The following PLXDC2 variants were observed in gnomAD, a reference collection of about 807,000 sequenced individuals.
PLXDC2 encodes plexin domain containing 2, also known as plexin domain-containing protein 2.
PLXDC2 carries 40 observed loss-of-function variants against 68.9 expected under a neutral mutation model. The ratio of observed to expected loss-of-function variants is 0.58; its 90% CI spans 0.45 to 0.76. PLXDC2 has a LOEUF of 0.76. Among genes scored for constraint, PLXDC2 ranks in the 30% least tolerant of loss-of-function variants. The probability of loss-of-function intolerance (pLI) is 0.00; values close to 1 mark genes in which losing one functional copy is unlikely to be tolerated. For missense variants in PLXDC2, 644 were observed against 661.9 expected (o/e 0.97, Z 0.30); for synonymous variants, 243 against 234.2 (o/e 1.04, Z -0.34).
intron 1 of PLXDC2, among the ~76,000 whole-genome samples, chr10:19,848,528 C>T (rs958486803): frequency 1.3e-5 from 2 of 152,118 alleles, no homozygotes; most frequent in Admixed American, 6.6e-5. Flanking sequence ...GAATACAAAT[C>T]CAGGTTAGGT....
rs11289832 is a variant in PLXDC2 at position 20,105,048 on chromosome 10, CAAAAAAAAAA to C, written c.541+36823_541+36832del. 4.3e-4 allele frequency among the ~76,000 whole-genome samples: 42 copies of C among 97,268 alleles called. No homozygotes were observed. In the South Asian group the frequency reaches 0.013, roughly 30 times the overall value. 63.8% of individuals were successfully genotyped at this position (97,268 alleles called of 152,430 possible). A position where few individuals can be genotyped will look rare whatever the true frequency, so the allele number is the denominator to read the frequency against. Reference sequence around the variant, plus strand: ...CCTGGCGACAGAGCTAGACTCCATCCAAAAAAAAAAAAAAAAAAAAAAAGAGCTTCCAGAT... The same window carrying C: ...CCTGGCGACAGAGCTAGACTCCATCCAAAAAAAAAAAAAGAGCTTCCAGAT... On this transcript the variant is annotated intron_variant, in intron 4 of 13. Transcript: ENST00000377252.
At chr10:20,164,652 ATT>A in intron 7 of PLXDC2, 85 bp downstream of exon 7, 3 of 1,009,608 alleles carry the variant, frequency 3.0e-6, no homozygotes, top group Admixed American at 3.9e-5. Flanking sequence ...CTGTACCTGA[ATT>A]AAAAAAAAAA....
chr10:20,117,843 C>G (rs940555017), intron 4 of PLXDC2, among the ~76,000 whole-genome samples: 1 of 152,024 alleles, frequency 6.6e-6, no homozygotes. Flanking sequence ...ATGAAATTAA[C>G]CAAGATATTG....
chr10:19,953,946 T>G (rs1689495898), intron 1 of PLXDC2, among the ~76,000 whole-genome samples: 1 of 152,126 alleles, frequency 6.6e-6, no homozygotes, highest in Admixed American at 6.6e-5. Context: ...AGCTGATAAT[T>G]TTTGGAAGTG....
chr10:19,883,884 C>CTTTTTTTTTTTTTTTTTTT (rs397846779), intron 1 of PLXDC2, among the ~76,000 whole-genome samples: 1,153 of 55,088 alleles, frequency 0.021, 323 homozygotes, highest in South Asian at 0.029. Context: ...TCCCTTTAAA[C>CTTTTTTTTTTTTTTTTTTT]TTTTTTTTTT....
intron 4 of PLXDC2, among the ~76,000 whole-genome samples, chr10:20,080,277 A>G (rs1376654914): frequency 6.6e-6 from 1 of 152,190 alleles, no homozygotes; most frequent in Non-Finnish European, 1.5e-5. Context: ...AGAGGGAAAG[A>G]ACTAATAGGA....
intron 1 of PLXDC2, among the ~76,000 whole-genome samples, chr10:19,841,501 A>G (rs1589495315): frequency 6.6e-6 from 1 of 151,210 alleles, no homozygotes; most frequent in African/African-American, 2.4e-5. Context: ...TCTAGTGATC[A>G]TAAATGACCA....
chr10:20,010,144 G>A (rs1364557352), intron 2 of PLXDC2, among the ~76,000 whole-genome samples: 1 of 152,106 alleles, frequency 6.6e-6, no homozygotes, highest in Non-Finnish European at 1.5e-5. Context: ...TGCCTTTCCT[G>A]GCAGAGTGGC....
chr10:20,104,110 G>C (rs1464986844), intron 4 of PLXDC2, among the ~76,000 whole-genome samples: 1 of 152,142 alleles, frequency 6.6e-6, no homozygotes, highest in Non-Finnish European at 1.5e-5. Context: ...TGAGAGTTAG[G>C]AAGTCTGAAC....
intron 1 of PLXDC2, among the ~76,000 whole-genome samples, chr10:19,847,206 A>G (rs192042453): frequency 6.6e-6 from 1 of 152,340 alleles, no homozygotes; most frequent in Admixed American, 6.5e-5. Flanking sequence ...CTTCCTGAAG[A>G]TAATACAGCA....
At chr10:20,138,193 A>G (rs1463936820) in intron 4 of PLXDC2, among the ~76,000 whole-genome samples, 1 of 152,222 alleles carries the variant, frequency 6.6e-6, no homozygotes. Flanking sequence ...TACTGATATC[A>G]ATTAGCCAGT....
At chr10:19,860,963 C>T (rs944106726) in intron 1 of PLXDC2, among the ~76,000 whole-genome samples, 6 of 151,926 alleles carry the variant, frequency 3.9e-5, no homozygotes, top group African/African-American at 1.4e-4. Context: ...TTCCTAGCCC[C>T]AAGACACTTA....
At chr10:20,087,826 A>T (rs973843663) in intron 4 of PLXDC2, among the ~76,000 whole-genome samples, 1 of 152,094 alleles carries the variant, frequency 6.6e-6, no homozygotes, top group East Asian at 1.9e-4. Flanking sequence ...GCCCATTTGT[A>T]TTTCATCCGA....
chr10:20,045,344 T>C (rs1835778935), intron 2 of PLXDC2, among the ~76,000 whole-genome samples: 1 of 152,174 alleles, frequency 6.6e-6, no homozygotes, highest in East Asian at 1.9e-4. Context: ...CTAATTTTTG[T>C]ATTTTTAGTA....
chr10:19,854,693 G>T (rs1160806481), intron 1 of PLXDC2, among the ~76,000 whole-genome samples: 1 of 152,104 alleles, frequency 6.6e-6, no homozygotes, highest in African/African-American at 2.4e-5. Flanking sequence ...TTCCAGCCTA[G>T]CCTGGCCTTC....
At chr10:20,065,266 G>A (rs1450389719) in intron 3 of PLXDC2, among the ~76,000 whole-genome samples, 1 of 152,174 alleles carries the variant, frequency 6.6e-6, no homozygotes. Context: ...GTTGCCTATG[G>A]CTGGCTGGAG....
intron 12 of PLXDC2, among the ~76,000 whole-genome samples, chr10:20,225,567 G>A (rs554586491): frequency 7.9e-5 from 12 of 152,154 alleles, no homozygotes; most frequent in African/African-American, 2.9e-4. Context: ...AAGTATATAT[G>A]TATCATCATA....
At chr10:20,017,910 G>C (rs1221059668) in intron 2 of PLXDC2, among the ~76,000 whole-genome samples, 1 of 152,200 alleles carries the variant, frequency 6.6e-6, no homozygotes, top group Admixed American at 6.5e-5. Context: ...CTGGATGCAG[G>C]AGAATAGTGG....
chr10:19,946,911 A>T (rs1833911084), intron 1 of PLXDC2, among the ~76,000 whole-genome samples: 2 of 152,048 alleles, frequency 1.3e-5, no homozygotes, highest in South Asian at 4.2e-4. Flanking sequence ...GCAGATACAG[A>T]TGGAGCTCAC....
Sources: gnomAD v4.1 joint callset for allele counts (sites outside exome capture counted in the v4.1 genomes callset) on GRCh38, gnomAD v4.1.1 for gene constraint, MANE v1.5 for transcripts, NCBI Gene and HGNC (gene_info 2026-07-23, HGNC 2026-07-21) for gene names.